Variants in SMYD3 observed in about 807,000 individuals in gnomAD.
The protein encoded by SMYD3 is SET and MYND domain containing 3.
SMYD3 carries 36 observed loss-of-function variants against 57.7 expected under a neutral mutation model. The ratio of observed to expected loss-of-function variants is 0.62; its 90% CI spans 0.48 to 0.82. The LOEUF (loss-of-function observed/expected upper bound fraction) is 0.82. Ranked by LOEUF, SMYD3 falls within the 40% of genes least tolerant of loss-of-function variation. The probability of loss-of-function intolerance (pLI) is 0.00; values close to 1 mark genes in which losing one functional copy is unlikely to be tolerated. For missense variants in SMYD3, 515 were observed against 538.8 expected (o/e 0.96, Z 0.44); for synonymous variants, 211 against 195.0 (o/e 1.08, Z -0.68).
At chr1:246,125,547 C>G (rs758974798) in intron 5 of SMYD3, among the ~76,000 whole-genome samples, 1 of 151,940 alleles carries the variant, frequency 6.6e-6, no homozygotes, top group Non-Finnish European at 1.5e-5. Flanking sequence ...AAATTTTTAG[C>G]TATTTAATAT....
At chr1:246,274,183 CT>C in intron 5 of SMYD3, among the ~76,000 whole-genome samples, 1 of 152,090 alleles carries the variant, frequency 6.6e-6, no homozygotes, top group East Asian at 1.9e-4. Flanking sequence ...TTATTCTTTC[CT>C]TTTGTCTTTA....
At chr1:245,940,804 G>C (rs1411329544) in intron 5 of SMYD3, among the ~76,000 whole-genome samples, 1 of 152,210 alleles carries the variant, frequency 6.6e-6, no homozygotes. Flanking sequence ...ACAGAACTAG[G>C]CAGAGTCTGA....
chr1:246,083,059 T>C (rs1218346975), intron 5 of SMYD3, among the ~76,000 whole-genome samples: 1 of 151,804 alleles, frequency 6.6e-6, no homozygotes, highest in Admixed American at 6.6e-5. Context: ...AAATATGGCC[T>C]CCTGGGAAGG....
At chr1:245,894,277 GCACCCTGTAAAATGAACCTATCA>G (rs2053599624) in intron 8 of SMYD3, among the ~76,000 whole-genome samples, 2 of 146 alleles carry the variant, frequency 0.014, no homozygotes, top group Admixed American at 0.062. Flanking sequence ...GGACCAATCA[GCACCCTGTAAAATGAACCTATCA>G]GCACTCTGTA....
chr1:246,495,699 G>A (rs1009358120), intron 1 of SMYD3, among the ~76,000 whole-genome samples: 2 of 152,198 alleles, frequency 1.3e-5, no homozygotes, highest in Middle Eastern at 6.8e-3. Flanking sequence ...CCAGCACTTT[G>A]GGAGGCCAAG....
intron 10 of SMYD3, among the ~76,000 whole-genome samples, chr1:245,785,161 C>G (rs867081398): frequency 6.6e-6 from 1 of 151,964 alleles, no homozygotes; most frequent in African/African-American, 2.4e-5. Flanking sequence ...GAATTACAGG[C>G]ATGAGCCATT....
At chr1:246,083,515 G>A (rs2066027) in intron 5 of SMYD3, among the ~76,000 whole-genome samples, 3 of 151,358 alleles carry the variant, frequency 2.0e-5, no homozygotes, top group Middle Eastern at 3.4e-3. Context: ...GTGCCGGCGC[G>A]GGTCCCCTGC....
At chr1:245,851,464 TTTAGTCCAAATGATATC>T (rs2050972043) in intron 10 of SMYD3, among the ~76,000 whole-genome samples, 1 of 152,204 alleles carries the variant, frequency 6.6e-6, no homozygotes. Flanking sequence ...GGCAGGCTTC[TTTAGTCCAAATGATATC>T]TCTTGCTCTG....
At position 245,999,390 on chromosome 1, in the gene SMYD3, T is replaced by C. The variant is rs1474813945; in HGVS notation, c.532-69453A>G. On this transcript the variant is annotated intron_variant, in intron 5 of 11. Transcript: ENST00000490107. ...CATATAACAACTTGTATAACCTTCA[T>C]GGGAACCCCTTGATGTAGGTTTTTA... Among the ~76,000 whole-genome samples, 3 of 152,298 alleles carry C rather than the reference T, an allele frequency of 2.0e-5. No individual in the cohort carries two copies. In the East Asian group the frequency reaches 5.8e-4, roughly 29 times the overall value.
chr1:246,374,274 T>C (rs1310393747), intron 1 of SMYD3, among the ~76,000 whole-genome samples: 2 of 152,248 alleles, frequency 1.3e-5, no homozygotes, highest in African/African-American at 4.8e-5. Flanking sequence ...TATTCCATAT[T>C]TGCAAATTCA....
intron 8 of SMYD3, among the ~76,000 whole-genome samples, chr1:245,868,529 T>C (rs559191266): frequency 6.6e-6 from 1 of 152,186 alleles, no homozygotes; most frequent in Non-Finnish European, 1.5e-5. Flanking sequence ...AACAATTTCA[T>C]ATGGGAATTA....
chr1:246,506,773 GC>G (rs1489996280), intron 1 of SMYD3, among the ~76,000 whole-genome samples: 1 of 152,192 alleles, frequency 6.6e-6, no homozygotes, highest in African/African-American at 2.4e-5. Context: ...CCTCAAGTCT[GC>G]CCAATGGCTT....
chr1:245,941,035 A>G (rs987978104), intron 5 of SMYD3, among the ~76,000 whole-genome samples: 2 of 152,236 alleles, frequency 1.3e-5, no homozygotes, highest in Admixed American at 6.5e-5. Flanking sequence ...ATGTAACAAC[A>G]GCTGAACAGA....
intron 5 of SMYD3, among the ~76,000 whole-genome samples, chr1:246,264,547 C>T (rs1222477002): frequency 1.3e-5 from 2 of 152,172 alleles, no homozygotes; most frequent in Admixed American, 1.3e-4. Context: ...TCTCACACAT[C>T]AACAACATTC....
intron 5 of SMYD3, among the ~76,000 whole-genome samples, chr1:246,041,917 C>A (rs2059883431): frequency 6.6e-6 from 1 of 152,094 alleles, no homozygotes; most frequent in Non-Finnish European, 1.5e-5. Context: ...TTTCCTGGGC[C>A]CTTATGAGGT....
chr1:246,074,238 A>G (rs2060506016), intron 5 of SMYD3, among the ~76,000 whole-genome samples: 1 of 152,188 alleles, frequency 6.6e-6, no homozygotes, highest in Admixed American at 6.5e-5. Context: ...ATTAATAAGC[A>G]GTCTGCAGCT....
chr1:245,947,392 C>G, intron 5 of SMYD3: 2 of 457,104 alleles, frequency 4.4e-6, no homozygotes, highest in South Asian at 1.5e-5. Context: ...TCCTTCCTAC[C>G]CCGGTCCTCC....
intron 1 of SMYD3, among the ~76,000 whole-genome samples, chr1:246,436,715 A>G (rs1057452947): frequency 1.3e-5 from 2 of 151,934 alleles, no homozygotes; most frequent in Non-Finnish European, 2.9e-5. Flanking sequence ...GTCTCCTCCA[A>G]TCTGTGACCC....
At chr1:245,952,060 G>A (rs895979837) in intron 5 of SMYD3, among the ~76,000 whole-genome samples, 1 of 148,052 alleles carries the variant, frequency 6.8e-6, no homozygotes, top group African/African-American at 2.5e-5. Context: ...AGAATTTGCC[G>A]TTTCTGGAAA....
Sources: allele counts gnomAD v4.1 joint callset (sites outside exome capture counted in the v4.1 genomes callset), GRCh38; gene constraint gnomAD v4.1.1; transcripts MANE v1.5; gene names NCBI Gene and HGNC (gene_info 2026-07-23, HGNC 2026-07-21).